The following CDAN1 variants were observed in gnomAD, a reference collection of about 807,000 sequenced individuals.
CDAN1 encodes the protein codanin-1.
A neutral mutation model predicts 139.8 loss-of-function variants in CDAN1; 107 were observed. The ratio of observed to expected loss-of-function variants is 0.77; its 90% confidence interval spans 0.65 to 0.90. CDAN1 has a LOEUF of 0.90. Among genes scored for constraint, CDAN1 ranks in the 40% least tolerant of loss-of-function variants. The pLI is 0.00. For missense variants in CDAN1, 1,667 were observed against 1,575.7 expected (o/e 1.06, Z -0.98); for synonymous variants, 776 against 660.6 (o/e 1.17, Z -2.68).
rs1239088768 is a variant in CDAN1 at position 42,724,458 on chromosome 15, G to A, written c.*33C>T. 1.9e-6 allele frequency: 3 copies of A among 1,568,118 alleles called. No individual in the cohort carries two copies. The highest frequency in any genetic ancestry group is 2.6e-6 in the Non-Finnish European group (3 of 1,156,098). ...CGTGAGGCGGGGGTCCAGGGTTCTG[G>A]TGCAATGCCCAAGGCAGGGCCACTT... On this transcript the variant is annotated 3_prime_UTR_variant, in exon 28 of 28. Transcript: ENST00000356231.
chr15:42,730,467 C>T, intron 14 of CDAN1, 131 bp downstream of exon 14: 1 of 1,135,538 alleles, frequency 8.8e-7, no homozygotes, highest in South Asian at 1.3e-5. Context: ...TCGTGCCTCT[C>T]CCAGGGCTCA....
intron 15 of CDAN1, 60 bp downstream of exon 15, chr15:42,730,068 G>A (rs2061588499): frequency 3.4e-6 from 5 of 1,488,744 alleles, no homozygotes; most frequent in East Asian, 4.5e-5. Flanking sequence ...TCAGACATTT[G>A]CCCACTCCCC....
intron 24 of CDAN1, 62 bp downstream of exon 24, chr15:42,726,248 G>A: frequency 6.3e-7 from 1 of 1,598,500 alleles, no homozygotes; most frequent in Non-Finnish European, 8.6e-7. Flanking sequence ...TGTGGCTCTG[G>A]TTATCAGGTC....
At chr15:42,731,871 G>A (rs765228147) in intron 10 of CDAN1, 46 bp from the exon 11 acceptor site, 8 of 1,564,892 alleles carry the variant, frequency 5.1e-6, no homozygotes, top group Admixed American at 1.7e-5. Context: ...TCAGCAAGTG[G>A]GAGGGAAGGA....
rs765438995 is a variant in CDAN1 at position 42,725,542 on chromosome 15, G to A, written c.3397C>T (p.Leu1133=). The change falls in exon 26 of 28, where the codon CTG becomes TTG. Residue 1133 remains leucine, a synonymous_variant. Transcript: ENST00000356231. ...CCCACATTTCTTGGGCTCAGCAGCA[G>A]CTGCAGCGGAACCGGCCCCTGAAAG... is the stretch of plus-strand genomic sequence containing the variant. ...EDFQGPVPLQ[L]LLSPRNVGLL... 4 of 1,614,070 alleles carry A rather than the reference G, an allele frequency of 2.5e-6. No homozygotes were observed. The East Asian group carries it at 8.9e-5, about 36-fold the overall frequency.
Position 42,728,729 on chromosome 15 carries a change from TC to T in CDAN1, c.2726del (p.Gly909GlufsTer50). On this transcript the variant is annotated frameshift_variant, in exon 20 of 28. Coordinates refer to ENST00000356231, the MANE Select transcript of CDAN1 (RefSeq NM_138477.4). LOFTEE classifies it high-confidence loss of function. ...EQLVTQGEEG[G>X]DPAQLLEILC... The stretch of plus-strand genomic sequence containing the variant: ...AGATCTCCAACAGCTGGGCTGGGTC[TC>T]CCCCTTCCTCTCCCTGTGTCACCAG... 1 of 1,614,110 alleles carries T rather than the reference TC, an allele frequency of 6.2e-7. No homozygotes were observed. Among genetic ancestry groups the T allele is most frequent in the South Asian group, 1.1e-5 (1 of 91,088 alleles).
At chr15:42,726,675 A>C (rs1185993811) in intron 23 of CDAN1, 5 of 557,720 alleles carry the variant, frequency 9.0e-6, no homozygotes, top group Non-Finnish European at 1.3e-5. Context: ...GGGAAACGTC[A>C]CTCAACTTGG....
In CDAN1 at chr15:42,728,189, C is replaced by A. The variant is rs1345725098; in HGVS notation, c.2868+15G>T. 6.2e-7 allele frequency: 1 copy of A among 1,613,192 alleles called. No individual in the cohort carries two copies. The highest frequency in any genetic ancestry group is 8.5e-7 in the Non-Finnish European group (1 of 1,179,856). On this transcript the variant is annotated intron_variant, in intron 21 of 27. Coordinates refer to ENST00000356231, the MANE Select transcript of CDAN1 (RefSeq NM_138477.4). The stretch of plus-strand genomic sequence containing the variant: ...ACTGCCTGGCCTGCTAGCTGCAGGC[C>A]TCCCTCACACGTACGGCTGCCGGGG...
In CDAN1 at chr15:42,733,937, CCT is replaced by C. The variant is rs2061650400; in HGVS notation, c.1366_1367del (p.Arg456GlyfsTer5). Reference sequence around the variant, plus strand: ...CCCCAAAAAGTCCCTTTTCTTATCACCTCTGTTTCTTAAAAGTATGAAAGGCT... The same window carrying C: ...CCCCAAAAAGTCCCTTTTCTTATCACCTGTTTCTTAAAAGTATGAAAGGCT... Reference protein sequence around the residue: ...DRAFHTFKKQRDVFYEVLREW... With the variant: ...DRAFHTFKKQXDVFYEVLREW... On this transcript the variant is annotated frameshift_variant and splice_region_variant, in exon 8 of 28. Coordinates refer to ENST00000356231, the MANE Select transcript of CDAN1 (RefSeq NM_138477.4). LOFTEE classifies it high-confidence loss of function. The C allele has an allele frequency of 1.2e-6, 2 of 1,607,006 alleles. No individual in the cohort carries two copies. The highest frequency in any genetic ancestry group is 2.2e-5 in the East Asian group (1 of 44,850).
intron 20 of CDAN1, 49 bp downstream of exon 20, chr15:42,728,603 A>AC: frequency 6.2e-7 from 1 of 1,610,442 alleles, no homozygotes; most frequent in Non-Finnish European, 8.5e-7. Flanking sequence ...GAAAGAAAGG[A>AC]CAGAGAAAGC....
At chr15:42,724,819 A>G (rs1022730007) in intron 27 of CDAN1, 12 of 669,266 alleles carry the variant, frequency 1.8e-5, no homozygotes, top group Non-Finnish European at 3.1e-5. Flanking sequence ...TGATGGAGGC[A>G]CAGGCTTGAC....
At position 42,729,370 on chromosome 15, in the gene CDAN1, AGT is replaced by A; in HGVS notation, c.2408-10_2408-9del. ...GCAGTTTCCGGAGCTCTCCTGTATC[AGT>A]GAAGTCCAAGTTCTCAGTTCCAGAA... On this transcript the variant is annotated splice_polypyrimidine_tract_variant and intron_variant, in intron 17 of 27. Transcript: ENST00000356231. 1 of 1,614,126 alleles carries A rather than the reference AGT, an allele frequency of 6.2e-7. No homozygotes were observed.
intron 13 of CDAN1, 62 bp downstream of exon 13, chr15:42,730,863 C>T: frequency 6.2e-7 from 1 of 1,613,654 alleles, no homozygotes; most frequent in Non-Finnish European, 8.5e-7. Context: ...GGAAACCAGT[C>T]AGCTTCAGTG....
Position 42,724,567 on chromosome 15 carries a change from G to T in CDAN1, c.3608C>A (p.Pro1203His). ...TCTTAGCTGGGGTTCTGGCAGGTGGGGCTCGGCTAGAAACAGATTAGACAG... is the reference window on the plus strand; with the variant it reads ...TCTTAGCTGGGGTTCTGGCAGGTGGTGCTCGGCTAGAAACAGATTAGACAG... ...ATLSNLFLAEPHLPEPQLRAC... is the reference protein window; with the variant it reads ...ATLSNLFLAEHHLPEPQLRAC... The change falls in exon 28 of 28, where the codon CCC becomes CAC. Residue 1203 changes from proline to histidine, a missense_variant. Pro to His is a moderately conservative substitution (Grantham distance 77). Coordinates refer to ENST00000356231, the MANE Select transcript of CDAN1 (RefSeq NM_138477.4). The T allele has an allele frequency of 6.4e-7, 1 of 1,554,112 alleles. No individual in the cohort carries two copies. Among genetic ancestry groups the T allele is most frequent in the Non-Finnish European group, 8.7e-7 (1 of 1,148,078 alleles).
intron 16 of CDAN1, 84 bp from the exon 17 acceptor site, chr15:42,729,706 G>A: frequency 6.3e-7 from 1 of 1,591,930 alleles, no homozygotes; most frequent in Non-Finnish European, 8.6e-7. Flanking sequence ...CTTTACAAGG[G>A]TTACATCTGC....
chr15:42,724,758 G>A, intron 27 of CDAN1, 142 bp from the exon 28 acceptor site: 1 of 1,094,966 alleles, frequency 9.1e-7, no homozygotes, highest in Non-Finnish European at 1.3e-6. Flanking sequence ...ATGAAACCTT[G>A]TCTGTTTGTT....
In CDAN1 at chr15:42,729,034, G is replaced by A. The variant is rs1555414852; in HGVS notation, c.2634C>T (p.Val878=). Reference sequence around the variant, plus strand: ...TAACCCACTCTTACTTGATATGTTTGACACAGTTTGATCCAATTCTTTCTG... The same window carrying A: ...TAACCCACTCTTACTTGATATGTTTAACACAGTTTGATCCAATTCTTTCTG... The part of the protein sequence containing the change: ...FVAERIGSNC[V]KHIKATLVAD... The change falls in exon 19 of 28, where the codon GTC becomes GTT. Residue 878 remains valine, a synonymous_variant. Coordinates refer to ENST00000356231, the MANE Select transcript of CDAN1 (RefSeq NM_138477.4). The A allele has an allele frequency of 1.9e-6, 3 of 1,614,146 alleles. No individual in the cohort carries two copies. Among genetic ancestry groups the A allele is most frequent in the East Asian group, 2.2e-5 (1 of 44,878 alleles).
In CDAN1 at chr15:42,728,051, A is replaced by C; in HGVS notation, c.2869-18T>G. 1 of 1,613,074 alleles carries C rather than the reference A, an allele frequency of 6.2e-7. No homozygotes were observed. Among genetic ancestry groups the C allele is most frequent in the Non-Finnish European group, 8.5e-7 (1 of 1,179,170 alleles). On this transcript the variant is annotated intron_variant, in intron 21 of 27. Transcript: ENST00000356231. ...CTCAGAACCTGCGAAACAGAACTAC[A>C]GAGTCAGGGGCTAGGGGAGGGCTGG...
chr15:42,735,847 G>C (rs781484571), intron 3 of CDAN1, 28 bp downstream of exon 3: 2 of 1,612,328 alleles, frequency 1.2e-6, no homozygotes. Flanking sequence ...CGAGGAAACC[G>C]ATATCCCCAG....
Sources: gnomAD v4.1 joint callset for allele counts on GRCh38, gnomAD v4.1.1 for gene constraint, MANE v1.5 for transcripts, NCBI Gene and HGNC (gene_info 2026-07-23, HGNC 2026-07-21) for gene names.